TCERG1L: variants seen among roughly 807,000 people sequenced by gnomAD.
TCERG1L encodes the protein transcription elongation regulator 1-like protein.
A neutral mutation model predicts 56.3 loss-of-function variants in TCERG1L; 37 were observed. That is an observed-to-expected ratio of 0.66 (90% confidence interval 0.51 to 0.87). The LOEUF (loss-of-function observed/expected upper bound fraction) is 0.87. Among genes scored for constraint, TCERG1L ranks in the 40% least tolerant of loss-of-function variants. The pLI, the probability that TCERG1L is intolerant of heterozygous loss-of-function variation, is 0.00. For synonymous variants in TCERG1L, 324 were observed against 326.3 expected (o/e 0.99, Z 0.08); for missense variants, 799 against 774.2 (o/e 1.03, Z -0.38).
At position 131,111,466 on chromosome 10, in the gene TCERG1L, T is replaced by TTA. The variant is rs1325586696; in HGVS notation, c.1395+5331_1395+5332dup. Reference sequence around the variant, plus strand: ...AATTTGACTGTTAAACAAAATGTATTTATTTACTTTTACTTCCTTGTACCT... The same window carrying TTA: ...AATTTGACTGTTAAACAAAATGTATTTATATTTACTTTTACTTCCTTGTACCT... On this transcript the variant is annotated intron_variant, in intron 9 of 11. Transcript: ENST00000368642. Among the ~76,000 whole-genome samples, 7 of 143,300 alleles carry TTA rather than the reference T, an allele frequency of 4.9e-5. 2 individuals carry two copies. Among genetic ancestry groups the TTA allele is most frequent in the African/African-American group, 1.7e-4 (7 of 40,594 alleles). The allele number at this position is 143,300 out of a possible 152,430, so 94.0% of individuals were successfully genotyped here. A position where few individuals can be genotyped will look rare whatever the true frequency, so the allele number is the denominator to read the frequency against.
chr10:131,143,658 A>C (rs1845763003), intron 7 of TCERG1L, among the ~76,000 whole-genome samples: 1 of 152,138 alleles, frequency 6.6e-6, no homozygotes, highest in Non-Finnish European at 1.5e-5. Flanking sequence ...CACGCCTCTG[A>C]CAGGCCTGGG....
chr10:131,146,414 A>G (rs1482870346), intron 7 of TCERG1L, 92 bp downstream of exon 7: 1 of 1,371,982 alleles, frequency 7.3e-7, no homozygotes. Context: ...TTTCAACATA[A>G]CCAAGAAGAA....
chr10:131,184,156 T>C (rs1465845), intron 4 of TCERG1L, among the ~76,000 whole-genome samples: 4,343 of 152,310 alleles, frequency 0.029, 76 homozygotes, highest in Non-Finnish European at 0.041. Flanking sequence ...AAGCCCACAC[T>C]TGGAGTGTGC....
At chr10:131,271,339 T>C (rs941961981) in intron 3 of TCERG1L, among the ~76,000 whole-genome samples, 1 of 152,206 alleles carries the variant, frequency 6.6e-6, no homozygotes, top group East Asian at 1.9e-4. Flanking sequence ...TGGGCGGCTC[T>C]CCAGGTTTTC....
chr10:131,104,207 T>C, intron 10 of TCERG1L, 58 bp downstream of exon 10: 1 of 1,234,154 alleles, frequency 8.1e-7, no homozygotes. Flanking sequence ...AGATCCAGGA[T>C]GCAACAGTCG....
chr10:131,131,899 G>A (rs1163543296), intron 8 of TCERG1L, among the ~76,000 whole-genome samples: 1 of 152,190 alleles, frequency 6.6e-6, no homozygotes, highest in African/African-American at 2.4e-5. Context: ...GCCCCCTGGA[G>A]GCATGTTCTC....
chr10:131,257,054 A>AAAGAAAGAAAGG (rs1336988347), intron 4 of TCERG1L, among the ~76,000 whole-genome samples: 18 of 135,456 alleles, frequency 1.3e-4, no homozygotes, highest in Admixed American at 3.0e-4. Flanking sequence ...AGAAAGAAAG[A>AAAGAAAGAAAGG]AAAGAAAGAA....
At chr10:131,115,010 T>C (rs1214720838) in intron 9 of TCERG1L, among the ~76,000 whole-genome samples, 1 of 152,212 alleles carries the variant, frequency 6.6e-6, no homozygotes, top group Admixed American at 6.5e-5. Context: ...TGCCTGCACG[T>C]GCACCTGTGG....
At chr10:131,191,683 C>T (rs1342512038) in intron 4 of TCERG1L, among the ~76,000 whole-genome samples, 1 of 140,846 alleles carries the variant, frequency 7.1e-6, no homozygotes, top group Admixed American at 7.1e-5. Context: ...CCATTTCTCA[C>T]CACATAACAA....
At chr10:131,268,089 C>T (rs545896900) in intron 3 of TCERG1L, among the ~76,000 whole-genome samples, 10 of 152,170 alleles carry the variant, frequency 6.6e-5, no homozygotes, top group African/African-American at 1.2e-4. Flanking sequence ...CCTAAGACCA[C>T]GGGAATGCCC....
chr10:131,244,159 G>A (rs1036730881), intron 4 of TCERG1L, among the ~76,000 whole-genome samples: 10 of 152,236 alleles, frequency 6.6e-5, no homozygotes, highest in Admixed American at 2.6e-4. Context: ...TGCATCGATC[G>A]GAAGAGGCTG....
chr10:131,165,179 A>G (rs773925334), intron 5 of TCERG1L, among the ~76,000 whole-genome samples: 14 of 152,220 alleles, frequency 9.2e-5, no homozygotes, highest in Non-Finnish European at 1.6e-4. Flanking sequence ...CGTCTTGGTG[A>G]CCGAGTTATC....
chr10:131,274,534 C>CA (rs199606280), intron 3 of TCERG1L, among the ~76,000 whole-genome samples: 322 of 152,336 alleles, frequency 2.1e-3, no homozygotes, highest in Admixed American at 4.4e-3. Flanking sequence ...GCTGACATCA[C>CA]AGGTCTGTGC....
chr10:131,201,025 G>A (rs1589745596), intron 4 of TCERG1L, among the ~76,000 whole-genome samples: 1 of 152,298 alleles, frequency 6.6e-6, no homozygotes, highest in Non-Finnish European at 1.5e-5. Context: ...GCGCCATCTT[G>A]GACGTGGAGG....
intron 4 of TCERG1L, among the ~76,000 whole-genome samples, chr10:131,242,887 T>G (rs1385656995): frequency 3.3e-5 from 5 of 152,086 alleles, no homozygotes; most frequent in Admixed American, 6.5e-5. Context: ...AATATAATTA[T>G]GAACACCCTT....
At chr10:131,158,062 G>A (rs1845941838) in intron 6 of TCERG1L, among the ~76,000 whole-genome samples, 1 of 152,212 alleles carries the variant, frequency 6.6e-6, no homozygotes, top group Non-Finnish European at 1.5e-5. Context: ...GAGGCCCTGC[G>A]TCTGGCCACC....
At chr10:131,152,288 ACC>A (rs1367666436) in intron 6 of TCERG1L, among the ~76,000 whole-genome samples, 1 of 152,096 alleles carries the variant, frequency 6.6e-6, no homozygotes, top group Non-Finnish European at 1.5e-5. Context: ...TCCACCAGAC[ACC>A]CTAAATCATC....
chr10:131,203,210 G>A (rs543552368), intron 4 of TCERG1L, among the ~76,000 whole-genome samples: 15 of 151,658 alleles, frequency 9.9e-5, no homozygotes, highest in East Asian at 1.9e-4. Flanking sequence ...TCCGAGCTGC[G>A]CTCTCTGGGT....
intron 4 of TCERG1L, among the ~76,000 whole-genome samples, chr10:131,233,164 C>A (rs1037059986): frequency 6.6e-6 from 1 of 152,158 alleles, no homozygotes; most frequent in Non-Finnish European, 1.5e-5. Context: ...GTCCGCAGCT[C>A]TTCTTACCAC....
Sources: allele counts gnomAD v4.1 joint callset (sites outside exome capture counted in the v4.1 genomes callset), GRCh38; gene constraint gnomAD v4.1.1; transcripts MANE v1.5; gene names NCBI Gene and HGNC (gene_info 2026-07-23, HGNC 2026-07-21).